The following LRRC8D variants were observed in gnomAD, a reference collection of about 807,000 sequenced individuals.
The protein encoded by LRRC8D is volume-regulated anion channel subunit LRRC8D.
In LRRC8D, 20 loss-of-function variants were observed where a neutral mutation model predicts 55.8. The observed-to-expected ratio is 0.36, with a 90% CI of 0.25 to 0.52. The LOEUF (loss-of-function observed/expected upper bound fraction) is 0.52, where lower values mean the gene tolerates loss of function less well. Ranked by LOEUF, LRRC8D falls within the 20% of genes least tolerant of loss-of-function variation. The pLI is 0.93. For synonymous variants in LRRC8D, 352 were observed against 377.0 expected (o/e 0.93, Z 0.77); for missense variants, 651 against 1,030.8 (o/e 0.63, Z 5.05).
chr1:89,853,795 A>G (rs927252104), intron 2 of LRRC8D, among the ~76,000 whole-genome samples: 1 of 152,132 alleles, frequency 6.6e-6, no homozygotes, highest in Non-Finnish European at 1.5e-5. Context: ...CTAACACTGG[A>G]TTGTCACCAG....
At chr1:89,827,298 T>C (rs1253169787) in intron 1 of LRRC8D, among the ~76,000 whole-genome samples, 4 of 145,976 alleles carry the variant, frequency 2.7e-5, no homozygotes, top group Non-Finnish European at 5.9e-5. Flanking sequence ...TGCAGTGAGC[T>C]GAGATCGCGC....
At chr1:89,866,106 G>T (rs1179813844) in intron 2 of LRRC8D, among the ~76,000 whole-genome samples, 1 of 152,220 alleles carries the variant, frequency 6.6e-6, no homozygotes, top group African/African-American at 2.4e-5. Flanking sequence ...TTCCCTTGGT[G>T]TGTTTCTGCA....
At chr1:89,876,327 G>A (rs1020533300) in intron 2 of LRRC8D, among the ~76,000 whole-genome samples, 3 of 152,252 alleles carry the variant, frequency 2.0e-5, no homozygotes, top group East Asian at 1.9e-4. Context: ...TAAAACCACC[G>A]TGGGGCTCAT....
intron 1 of LRRC8D, among the ~76,000 whole-genome samples, chr1:89,826,000 C>T (rs914769522): frequency 1.3e-5 from 2 of 152,190 alleles, no homozygotes; most frequent in Non-Finnish European, 2.9e-5. Context: ...CCAGATGGTG[C>T]AGTCTACTTG....
intron 2 of LRRC8D, among the ~76,000 whole-genome samples, chr1:89,865,905 T>G (rs1661829648): frequency 6.6e-6 from 1 of 152,242 alleles, no homozygotes; most frequent in Non-Finnish European, 1.5e-5. Context: ...GTTTTCAGCA[T>G]GCAGCCAAGT....
chr1:89,862,873 CAGCAG>C (rs1661756282), intron 2 of LRRC8D, among the ~76,000 whole-genome samples: 1 of 152,156 alleles, frequency 6.6e-6, no homozygotes, highest in South Asian at 2.1e-4. Context: ...CCTTGGCTTC[CAGCAG>C]GAAGGGTGTT....
chr1:89,852,613 A>G (rs763772347), intron 2 of LRRC8D, among the ~76,000 whole-genome samples: 19 of 152,342 alleles, frequency 1.2e-4, no homozygotes, highest in South Asian at 2.1e-4. Flanking sequence ...AAGGCACTTT[A>G]TAGCAATATA....
chr1:89,920,666 T>G (rs1663390221), intron 2 of LRRC8D, among the ~76,000 whole-genome samples: 1 of 141,698 alleles, frequency 7.1e-6, no homozygotes, highest in East Asian at 2.0e-4. Context: ...TATTAACACT[T>G]AAATAATACA....
chr1:89,838,398 G>T (rs1028428822), intron 1 of LRRC8D, among the ~76,000 whole-genome samples: 10 of 151,980 alleles, frequency 6.6e-5, no homozygotes, highest in Non-Finnish European at 5.9e-5. Flanking sequence ...AGATAAATAA[G>T]ATTGCCCAAA....
At chr1:89,930,737 G>C (rs1663686181) in intron 2 of LRRC8D, among the ~76,000 whole-genome samples, 1 of 151,486 alleles carries the variant, frequency 6.6e-6, no homozygotes, top group Non-Finnish European at 1.5e-5. Flanking sequence ...TGTGAAGTAA[G>C]AGTCATTCTG....
chr1:89,921,454 AT>A (rs1663415320), intron 2 of LRRC8D, among the ~76,000 whole-genome samples: 1 of 152,216 alleles, frequency 6.6e-6, no homozygotes, highest in East Asian at 1.9e-4. Flanking sequence ...TTTCAAAGCC[AT>A]TTGGCTTCCT....
At chr1:89,836,301 A>C (rs1267595573) in intron 1 of LRRC8D, among the ~76,000 whole-genome samples, 2 of 152,216 alleles carry the variant, frequency 1.3e-5, no homozygotes, top group Admixed American at 1.3e-4. Context: ...GCTATTTCTC[A>C]ACATTAAAGA....
chr1:89,899,403 G>A (rs1306253831), intron 2 of LRRC8D, among the ~76,000 whole-genome samples: 1 of 152,220 alleles, frequency 6.6e-6, no homozygotes, highest in East Asian at 1.9e-4. Context: ...GCTGTGCCAT[G>A]TCTGGCTCTT....
intron 2 of LRRC8D, among the ~76,000 whole-genome samples, chr1:89,930,436 C>T (rs1663675952): frequency 6.6e-6 from 1 of 152,126 alleles, no homozygotes; most frequent in African/African-American, 2.4e-5. Flanking sequence ...AAATGATCCA[C>T]CCACCTCGGC....
intron 2 of LRRC8D, among the ~76,000 whole-genome samples, chr1:89,896,040 A>T (rs1017967235): frequency 1.3e-5 from 2 of 152,270 alleles, no homozygotes; most frequent in African/African-American, 4.8e-5. Context: ...ATGTCCACAA[A>T]TACATTCTCT....
intron 2 of LRRC8D, among the ~76,000 whole-genome samples, chr1:89,881,102 A>G (rs1450963169): frequency 1.3e-5 from 2 of 152,016 alleles, no homozygotes; most frequent in Admixed American, 1.3e-4. Flanking sequence ...TCCATTATTA[A>G]TCTCTTCTTT....
At chr1:89,907,307 T>C (rs1663022034) in intron 2 of LRRC8D, among the ~76,000 whole-genome samples, 1 of 148,030 alleles carries the variant, frequency 6.8e-6, no homozygotes, top group Non-Finnish European at 1.5e-5. Context: ...TTCTCCTGCC[T>C]AGCCTCCTGA....
chr1:89,860,638 A>C (rs1015285295), intron 2 of LRRC8D, among the ~76,000 whole-genome samples: 1 of 150,430 alleles, frequency 6.6e-6, no homozygotes, highest in Non-Finnish European at 1.5e-5. Context: ...CGCGGCTGTA[A>C]CCAAAGCTAC....
intron 2 of LRRC8D, among the ~76,000 whole-genome samples, chr1:89,858,121 C>A (rs1008229707): frequency 2.6e-5 from 4 of 152,116 alleles, no homozygotes; most frequent in Non-Finnish European, 4.4e-5. Flanking sequence ...CCCAGCTAGT[C>A]AGGAGGCTGA....
Sources: allele counts gnomAD v4.1 joint callset (sites outside exome capture counted in the v4.1 genomes callset), GRCh38; gene constraint gnomAD v4.1.1; transcripts MANE v1.5; gene names NCBI Gene and HGNC (gene_info 2026-07-23, HGNC 2026-07-21).